The following CACNA1A variants were observed in gnomAD, a reference collection of about 807,000 sequenced individuals.
CACNA1A encodes calcium voltage-gated channel subunit alpha1 A, also known as voltage-dependent P/Q-type calcium channel subunit alpha-1A.
CACNA1A carries 57 observed loss-of-function variants against 262.4 expected under a neutral mutation model. The ratio of observed to expected loss-of-function variants is 0.22; its 90% CI spans 0.18 to 0.27. The LOEUF is 0.27. CACNA1A is among the 10% of genes least tolerant of loss of function. The pLI, the probability that CACNA1A is intolerant of heterozygous loss-of-function variation, is 1.00. For synonymous variants in CACNA1A, 1,431 were observed against 1,419.3 expected (o/e 1.01, Z -0.18); for missense variants, 2,526 against 3,562.8 (o/e 0.71, Z 7.41).
chr19:13,212,123 G>A lies in CACNA1A; in HGVS notation c.6283C>T (p.Arg2095Cys), dbSNP rs775827111. Residue 2095 changes from arginine to cysteine, a missense_variant, in exon 43 of 47, where the codon CGC (arginine) becomes TGC (cysteine). Arg to Cys is a radical substitution (Grantham distance 180). Coordinates refer to ENST00000360228, the MANE Select transcript of CACNA1A (RefSeq NM_001127222.2). The surrounding 1 kb of genome is among the most constrained non-coding windows in gnomAD (Gnocchi z 5.6). The stretch of plus-strand genomic sequence containing the variant: ...CTCACCTGGTTCTCTGCAGGGAGGC[G>A]GGGCATGGAGGCAGCCCGGCCCTGG... The part of the protein sequence containing the change: ...EGQGRAASMP[R>C]LPAENQRRRG... 2 of 1,611,946 alleles carry A rather than the reference G, an allele frequency of 1.2e-6. No individual in the cohort carries two copies. The highest frequency in any genetic ancestry group is 1.7e-6 in the Non-Finnish European group (2 of 1,178,376).
At chr19:13,268,884 T>C (rs1202817019) in intron 24 of CACNA1A, among the ~76,000 whole-genome samples, 1 of 138,442 alleles carries the variant, frequency 7.2e-6, no homozygotes, top group Non-Finnish European at 1.5e-5. Context: ...TAGAATCATA[T>C]AGATTCTACT....
intron 24 of CACNA1A, among the ~76,000 whole-genome samples, chr19:13,266,147 A>ATT (rs2056856254): frequency 6.6e-6 from 1 of 151,962 alleles, no homozygotes; most frequent in Non-Finnish European, 1.5e-5. Flanking sequence ...TCTGGCCTAC[A>ATT]TTTACTTTTG....
At chr19:13,505,808 C>T in intron 1 of CACNA1A, 124 bp downstream of exon 1, 1 of 988,520 alleles carries the variant, frequency 1.0e-6, no homozygotes, top group Non-Finnish European at 1.6e-6. Flanking sequence ...TCTCCCAGCC[C>T]CTGGAAGACC....
intron 3 of CACNA1A, among the ~76,000 whole-genome samples, chr19:13,432,452 A>AAATAAAT (rs1568638846): frequency 6.0e-5 from 7 of 117,288 alleles, no homozygotes; most frequent in African/African-American, 2.2e-4. Context: ...AATAAATAAA[A>AAATAAAT]ATTAAAAATT....
Position 13,227,408 on chromosome 19 carries a change from G to A in CACNA1A, c.5625+23C>T, listed in dbSNP as rs759019992. On this transcript the variant is annotated intron_variant, in intron 37 of 46. Transcript: ENST00000360228. ...AAAAAAAACCCAGTGCCTGGACGTC[G>A]GTGGTCGGCAAGGGTAGTCTACCTT... The A allele has an allele frequency of 1.0e-5, 14 of 1,335,172 alleles. No homozygotes were observed. In the Admixed American group the frequency reaches 2.5e-4, roughly 24 times the overall value. The allele number at this position is 1,335,172 out of a possible 1,614,324, so 82.7% of individuals were successfully genotyped here.
intron 31 of CACNA1A, among the ~76,000 whole-genome samples, chr19:13,242,278 C>T (rs1192916815): frequency 1.3e-5 from 2 of 152,162 alleles, no homozygotes; most frequent in African/African-American, 4.8e-5. Flanking sequence ...AAGCACTTCA[C>T]GTTTCTTTCT....
rs992828062 is a variant in CACNA1A at position 13,286,592 on chromosome 19, T to C, written c.3464A>G (p.Asn1155Ser). 1.3e-6 allele frequency: 2 copies of C among 1,538,704 alleles called. No homozygotes were observed. The highest frequency in any genetic ancestry group is 4.1e-5 in the Admixed American group (2 of 48,394). ...IVTNPSGTQT[N>S]SAKTARKPDH... ...GGGTTTCCTGGCAGTCTTAGCTGAA[T>C]TGGTCTGGGTGCCGCTGGGGTTGGT... The change falls in exon 20 of 47, where the codon AAT (asparagine) becomes AGT (serine). Residue 1155 changes from asparagine (N) to serine (S), a missense_variant. Asn to Ser is a conservative substitution (Grantham distance 46). Transcript: ENST00000360228.
At chr19:13,501,151 C>T (rs1016548739) in intron 1 of CACNA1A, among the ~76,000 whole-genome samples, 4 of 151,252 alleles carry the variant, frequency 2.6e-5, no homozygotes, top group Admixed American at 2.6e-4. Flanking sequence ...ACCAGTATGT[C>T]AAAAGGGTGA....
At chr19:13,466,322 T>C (rs2061237594) in intron 1 of CACNA1A, among the ~76,000 whole-genome samples, 1 of 148,966 alleles carries the variant, frequency 6.7e-6, no homozygotes, top group African/African-American at 2.5e-5. Flanking sequence ...TTTTTTTTTT[T>C]CCTTTTCTTT....
At chr19:13,338,434 A>C (rs2058616014) in intron 6 of CACNA1A, among the ~76,000 whole-genome samples, 1 of 152,314 alleles carries the variant, frequency 6.6e-6, no homozygotes, top group South Asian at 2.1e-4. Context: ...GTAATTCCGA[A>C]ATAGTAATTC....
intron 1 of CACNA1A, among the ~76,000 whole-genome samples, chr19:13,472,050 C>A (rs1978285985): frequency 6.6e-6 from 1 of 152,142 alleles, no homozygotes; most frequent in African/African-American, 2.4e-5. Flanking sequence ...GGAGCCTCAA[C>A]CTTTGGGGCT....
intron 1 of CACNA1A, among the ~76,000 whole-genome samples, chr19:13,491,516 T>C (rs543274554): frequency 6.6e-6 from 1 of 152,202 alleles, no homozygotes; most frequent in South Asian, 2.1e-4. Flanking sequence ...AAAGGGCCTT[T>C]CCGTCATGAA....
intron 1 of CACNA1A, among the ~76,000 whole-genome samples, chr19:13,493,008 G>C (rs1186954725): frequency 6.6e-6 from 1 of 152,166 alleles, no homozygotes; most frequent in African/African-American, 2.4e-5. Context: ...AGTAAGGCAC[G>C]ATTTTCAAAC....
At chr19:13,216,579 C>T (rs1039949753) in intron 38 of CACNA1A, among the ~76,000 whole-genome samples, 12 of 152,208 alleles carry the variant, frequency 7.9e-5, no homozygotes, top group African/African-American at 9.6e-5. Flanking sequence ...CTGCCTGCCT[C>T]GGCCTCCCAA....
At chr19:13,297,136 G>A (rs2057681500) in intron 19 of CACNA1A, among the ~76,000 whole-genome samples, 1 of 152,266 alleles carries the variant, frequency 6.6e-6, no homozygotes, top group East Asian at 1.9e-4. Context: ...GCTCTTCCAG[G>A]CCCTTTGCAT....
At chr19:13,442,160 A>G (rs950780003) in intron 3 of CACNA1A, among the ~76,000 whole-genome samples, 9 of 152,194 alleles carry the variant, frequency 5.9e-5, no homozygotes, top group Admixed American at 1.3e-4. Context: ...CTAGGGTCCA[A>G]TGGTTAATTT....
intron 6 of CACNA1A, among the ~76,000 whole-genome samples, chr19:13,354,869 C>CTT (rs56350383): frequency 1.2e-3 from 142 of 115,048 alleles, no homozygotes; most frequent in Middle Eastern, 5.1e-3. Context: ...TTTTCTTTTT[C>CTT]TTTTTTTTTT....
At chr19:13,421,485 A>G (rs2060315048) in intron 3 of CACNA1A, among the ~76,000 whole-genome samples, 1 of 152,146 alleles carries the variant, frequency 6.6e-6, no homozygotes, top group Admixed American at 6.6e-5. Flanking sequence ...CTGGTGGAAG[A>G]GCACTGCTAT....
intron 3 of CACNA1A, among the ~76,000 whole-genome samples, chr19:13,380,388 G>A (rs2059498218): frequency 6.6e-6 from 1 of 150,910 alleles, no homozygotes; most frequent in African/African-American, 2.4e-5. Context: ...GCTCATGCCT[G>A]TAATCCCAGC....
Sources: allele counts gnomAD v4.1 joint callset (sites outside exome capture counted in the v4.1 genomes callset), GRCh38; gene constraint gnomAD v4.1.1; non-coding constraint Gnocchi (gnomAD v3.1); transcripts MANE v1.5; gene names NCBI Gene and HGNC (gene_info 2026-07-23, HGNC 2026-07-21).